KCTD3: variants seen among roughly 807,000 people sequenced by gnomAD.
KCTD3 encodes the protein BTB/POZ domain-containing protein KCTD3.
Under a neutral mutation model 85.8 loss-of-function variants are expected in KCTD3, and 41 were observed. The observed-to-expected ratio is 0.48, with a 90% CI of 0.37 to 0.62. The LOEUF (loss-of-function observed/expected upper bound fraction) is 0.62. KCTD3 is among the 20% of genes least tolerant of loss of function. The probability of loss-of-function intolerance (pLI) is 0.00; values close to 1 mark genes in which losing one functional copy is unlikely to be tolerated. For missense variants in KCTD3, 724 were observed against 989.9 expected (o/e 0.73, Z 3.60); for synonymous variants, 338 against 345.4 (o/e 0.98, Z 0.24).
At chr1:215,579,613 C>T (rs1375676909) in intron 7 of KCTD3, among the ~76,000 whole-genome samples, 1 of 152,066 alleles carries the variant, frequency 6.6e-6, no homozygotes, top group Non-Finnish European at 1.5e-5. Context: ...ATTCTCCTGC[C>T]TCAGCCTCCG....
intron 9 of KCTD3, among the ~76,000 whole-genome samples, chr1:215,591,339 CTTCCTTCT>C (rs1365337406): frequency 5.6e-5 from 7 of 126,014 alleles, no homozygotes; most frequent in African/African-American, 1.9e-4. Flanking sequence ...TCCTTCCTTC[CTTCCTTCT>C]CTCTTTCTCT....
At chr1:215,589,033 A>G (rs180983963) in intron 9 of KCTD3, among the ~76,000 whole-genome samples, 1 of 152,330 alleles carries the variant, frequency 6.6e-6, no homozygotes, top group African/African-American at 2.4e-5. Flanking sequence ...GAGATACTTC[A>G]TTAGATTTTT....
At chr1:215,595,314 A>T (rs1382278852) in intron 9 of KCTD3, 42 bp from the exon 10 acceptor site, 2 of 1,193,542 alleles carry the variant, frequency 1.7e-6, no homozygotes, top group African/African-American at 3.0e-5. Context: ...AATTCTAAAA[A>T]TGGTGACTGA....
At chr1:215,596,355 C>T (rs990944641) in intron 10 of KCTD3, among the ~76,000 whole-genome samples, 1 of 151,552 alleles carries the variant, frequency 6.6e-6, no homozygotes, top group Non-Finnish European at 1.5e-5. Context: ...GTTGGAAGTA[C>T]TCCTTTGGAA....
At chr1:215,568,388 A>G (rs1349409367) in intron 1 of KCTD3, among the ~76,000 whole-genome samples, 1 of 144,138 alleles carries the variant, frequency 6.9e-6, no homozygotes, top group Non-Finnish European at 1.5e-5. Flanking sequence ...CAGTTTGAAC[A>G]TTTGCTTTTA....
chr1:215,591,127 ACT>A (rs1249648912), intron 9 of KCTD3, among the ~76,000 whole-genome samples: 2 of 151,792 alleles, frequency 1.3e-5, no homozygotes, highest in African/African-American at 4.8e-5. Flanking sequence ...CTCAGCAAGA[ACT>A]CTCTACTTTT....
rs1655557651 is a variant in KCTD3 at position 215,618,881 on chromosome 1, T to G, written c.1563-5T>G. ...ATCAGGGCTCTTTCTGCTTTTCTTT[T>G]GCAGAATATGTGAGATCCAGGCTGT... On this transcript the variant is annotated splice_region_variant and splice_polypyrimidine_tract_variant and intron_variant, in intron 15 of 17. Coordinates refer to ENST00000259154, the MANE Select transcript of KCTD3 (RefSeq NM_016121.5). The G allele has an allele frequency of 6.4e-7, 1 of 1,572,166 alleles. No homozygotes were observed. Among genetic ancestry groups the G allele is most frequent in the East Asian group, 2.3e-5 (1 of 43,434 alleles).
rs563600561 is a variant in KCTD3, at chr1:215,569,378, C to T, written c.83+1610C>T. ...TCGTGATGCTCCCGCCTCGGCTTCC[C>T]AAAGTGCTGGAATTACAGGCGTGAG... On this transcript the variant is annotated intron_variant, in intron 1 of 17. Coordinates refer to ENST00000259154, the MANE Select transcript of KCTD3 (RefSeq NM_016121.5). Among the ~76,000 whole-genome samples the T allele has an allele frequency of 1.1e-4, 17 of 152,124 alleles. No homozygotes were observed. In the South Asian group the frequency reaches 3.3e-3, roughly 30 times the overall value.
At chr1:215,619,361 T>A in intron 17 of KCTD3, 70 bp downstream of exon 17, 1 of 1,281,052 alleles carries the variant, frequency 7.8e-7, no homozygotes, top group Non-Finnish European at 1.1e-6. Flanking sequence ...AATATTGTAA[T>A]CACATAGTTG....
At chr1:215,607,600 T>G (rs1454169778) in intron 13 of KCTD3, among the ~76,000 whole-genome samples, 1 of 151,992 alleles carries the variant, frequency 6.6e-6, no homozygotes, top group Non-Finnish European at 1.5e-5. Flanking sequence ...TGCCAATAAT[T>G]TTTCGGTAAG....
chr1:215,587,180 A>T (rs1175746706), intron 9 of KCTD3, among the ~76,000 whole-genome samples: 4 of 144,784 alleles, frequency 2.8e-5, no homozygotes, highest in African/African-American at 1.0e-4. Flanking sequence ...CCCAGGCTGT[A>T]GTGCAATGGC....
At chr1:215,619,395 G>C (rs1655579025) in intron 17 of KCTD3, 104 bp downstream of exon 17, 1 of 966,594 alleles carries the variant, frequency 1.0e-6, no homozygotes, top group Non-Finnish European at 1.5e-6. Context: ...TACTTCTCAA[G>C]GTACATTTTA....
chr1:215,579,962 A>C lies in KCTD3; in HGVS notation c.589A>C (p.Ile197Leu), dbSNP rs1334896229. 6.2e-7 allele frequency: 1 copy of C among 1,613,092 alleles called. No individual in the cohort carries two copies. Among genetic ancestry groups the C allele is most frequent in the Non-Finnish European group, 8.5e-7 (1 of 1,179,168 alleles). Residue 197 changes from isoleucine to leucine, a missense_variant, in exon 8 of 18, where the codon ATT (isoleucine) becomes CTT (leucine). Around this residue, in one of 6 missense-constraint regions of KCTD3, gnomAD observed 106 missense variants for 98.2 expected, o/e 1.08. Coordinates refer to ENST00000259154, the MANE Select transcript of KCTD3 (RefSeq NM_016121.5). The stretch of plus-strand genomic sequence containing the variant: ...AATAGTAGCTGGCCATCACAACTGG[A>C]TTGTAGCTGCATATGCCCATTTTGC... Reference protein sequence around the residue: ...VLIVAGHHNWIVAAYAHFAVC... With the variant: ...VLIVAGHHNWLVAAYAHFAVC...
intron 10 of KCTD3, among the ~76,000 whole-genome samples, chr1:215,600,344 G>A (rs1189329585): frequency 6.6e-6 from 1 of 152,162 alleles, no homozygotes; most frequent in Non-Finnish European, 1.5e-5. Flanking sequence ...CCTAGATTCT[G>A]TGCTTTTTTT....
chr1:215,607,399 G>A (rs1655072084), intron 13 of KCTD3, among the ~76,000 whole-genome samples: 2 of 151,866 alleles, frequency 1.3e-5, no homozygotes, highest in South Asian at 4.1e-4. Context: ...TAGACGAGGA[G>A]ACATTTCAGT....
chr1:215,620,838 A>C lies in KCTD3; in HGVS notation c.*220A>C. 1 of 472,408 alleles carries C rather than the reference A, an allele frequency of 2.1e-6. No homozygotes were observed. Among genetic ancestry groups the C allele is most frequent in the South Asian group, 4.9e-5 (1 of 20,274 alleles). The allele number at this position is 472,408 out of a possible 1,614,324, so 29.3% of individuals were successfully genotyped here. On this transcript the variant is annotated 3_prime_UTR_variant, in exon 18 of 18. Coordinates refer to ENST00000259154, the MANE Select transcript of KCTD3 (RefSeq NM_016121.5). Reference sequence around the variant, plus strand: ...ATTTTACAAGTACATTTAACAGATCATTTATAAAGCAGGAGTCCATTTTAA... The same window carrying C: ...ATTTTACAAGTACATTTAACAGATCCTTTATAAAGCAGGAGTCCATTTTAA...
chr1:215,592,684 G>T (rs930741642), intron 9 of KCTD3, among the ~76,000 whole-genome samples: 2 of 152,116 alleles, frequency 1.3e-5, no homozygotes, highest in African/African-American at 2.4e-5. Context: ...CCTGTAAAAG[G>T]AGCCATTTGT....
At chr1:215,589,434 C>A (rs550438554) in intron 9 of KCTD3, among the ~76,000 whole-genome samples, 95 of 152,260 alleles carry the variant, frequency 6.2e-4, no homozygotes, top group African/African-American at 2.3e-3. Flanking sequence ...AGTCGCTGTG[C>A]CTGGCCAATT....
chr1:215,597,519 A>C (rs767031844), intron 10 of KCTD3, among the ~76,000 whole-genome samples: 7 of 152,180 alleles, frequency 4.6e-5, no homozygotes, highest in African/African-American at 7.2e-5. Context: ...GGCATTATGT[A>C]CTTTACTTCC....
Sources: allele counts gnomAD v4.1 joint callset (sites outside exome capture counted in the v4.1 genomes callset), GRCh38; gene constraint gnomAD v4.1.1; regional missense constraint gnomAD v4.1.1; transcripts MANE v1.5; gene names NCBI Gene and HGNC (gene_info 2026-07-23, HGNC 2026-07-21).